SSH1: variants seen among roughly 807,000 people sequenced by gnomAD.
SSH1 encodes protein phosphatase Slingshot homolog 1.
Under a neutral mutation model 79.7 loss-of-function variants are expected in SSH1, and 43 were observed. The ratio of observed to expected loss-of-function variants is 0.54; its 90% CI spans 0.42 to 0.70. The LOEUF is 0.70. Ranked by LOEUF, SSH1 falls within the 30% of genes least tolerant of loss-of-function variation. The pLI, the probability that SSH1 is intolerant of heterozygous loss-of-function variation, is 0.00. For missense variants in SSH1, 1,206 were observed against 1,358.8 expected (o/e 0.89, Z 1.77); for synonymous variants, 599 against 538.3 (o/e 1.11, Z -1.56).
chr12:108,835,648 A>C (rs2038585101), intron 2 of SSH1, among the ~76,000 whole-genome samples: 1 of 151,690 alleles, frequency 6.6e-6, no homozygotes, highest in South Asian at 2.1e-4. Context: ...TCAGACCTAA[A>C]AACCATTTGG....
chr12:108,784,644 G>A lies in SSH1; in HGVS notation c.*3344C>T, dbSNP rs1318967673. 1 of 152,172 alleles carries A rather than the reference G, an allele frequency of 6.6e-6. No individual in the cohort carries two copies. The highest frequency in any genetic ancestry group is 6.5e-5 in the Admixed American group (1 of 15,270). The allele number at this position is 152,172 out of a possible 1,614,324, so 9.4% of individuals were successfully genotyped here. A position where few individuals can be genotyped will look rare whatever the true frequency, so the allele number is the denominator to read the frequency against. On this transcript the variant is annotated 3_prime_UTR_variant, in exon 15 of 15. Coordinates refer to ENST00000326495, the MANE Select transcript of SSH1 (RefSeq NM_018984.4). Reference sequence around the variant, plus strand: ...CGGCATTGTCAATTACCATCCGAGAGCAGCCCCGGTTCTCCTCTTCCCGTG... The same window carrying A: ...CGGCATTGTCAATTACCATCCGAGAACAGCCCCGGTTCTCCTCTTCCCGTG...
At chr12:108,806,508 C>T in intron 8 of SSH1, 114 bp from the exon 9 acceptor site, 1 of 933,394 alleles carries the variant, frequency 1.1e-6, no homozygotes. Context: ...GCAAGGAGAG[C>T]ACGCTTCTTG....
At position 108,802,471 on chromosome 12, in the gene SSH1, T is replaced by G; in HGVS notation, c.955-103A>C. The G allele has an allele frequency of 2.9e-6, 3 of 1,033,544 alleles. No homozygotes were observed. In the South Asian group the frequency reaches 3.9e-5, roughly 13 times the overall value. The allele number at this position is 1,033,544 out of a possible 1,614,324, so 64.0% of individuals were successfully genotyped here. A position where few individuals can be genotyped will look rare whatever the true frequency, so the allele number is the denominator to read the frequency against. Reference sequence around the variant, plus strand: ...CTAGCTCTGGCGGTGAGGTCTTATTTCATGGCCCCATTGGCCTCAGAGAAC... The same window carrying G: ...CTAGCTCTGGCGGTGAGGTCTTATTGCATGGCCCCATTGGCCTCAGAGAAC... On this transcript the variant is annotated intron_variant, in intron 10 of 14. Coordinates refer to ENST00000326495, the MANE Select transcript of SSH1 (RefSeq NM_018984.4).
intron 2 of SSH1, among the ~76,000 whole-genome samples, chr12:108,830,282 T>G (rs2038441798): frequency 6.6e-6 from 1 of 152,120 alleles, no homozygotes; most frequent in Admixed American, 6.5e-5. Flanking sequence ...TGAAACCCAG[T>G]CTTTACTAAA....
At chr12:108,797,291 T>G (rs952653183) in intron 13 of SSH1, among the ~76,000 whole-genome samples, 9 of 143,186 alleles carry the variant, frequency 6.3e-5, no homozygotes, top group African/African-American at 2.0e-4. Context: ...CACGCTGGGC[T>G]TTTTTTTTTT....
At chr12:108,798,006 C>T (rs964611408) in intron 13 of SSH1, among the ~76,000 whole-genome samples, 2 of 152,214 alleles carry the variant, frequency 1.3e-5, no homozygotes, top group Non-Finnish European at 2.9e-5. Context: ...ATAACACACC[C>T]TCTGAGGCCT....
rs750367623 is a variant in SSH1 at position 108,792,842 on chromosome 12, A to T, written c.1350-13T>A. The T allele has an allele frequency of 6.2e-7, 1 of 1,612,420 alleles. No individual in the cohort carries two copies. Among genetic ancestry groups the T allele is most frequent in the Non-Finnish European group, 8.5e-7 (1 of 1,179,896 alleles). ...GTGCCGCTGTTTGCTGCGGGGAGAG[A>T]GGGTAGAGGAAGGTGAGGGGAGGAG... is the stretch of plus-strand genomic sequence containing the variant. On this transcript the variant is annotated splice_polypyrimidine_tract_variant and intron_variant, in intron 13 of 14. Transcript: ENST00000326495.
At chr12:108,798,927 G>C in intron 13 of SSH1, 73 bp downstream of exon 13, 2 of 1,558,088 alleles carry the variant, frequency 1.3e-6, no homozygotes, top group Non-Finnish European at 1.8e-6. Context: ...GCTGCCGACA[G>C]AGGCCTGGCT....
chr12:108,781,988 GC>G lies in SSH1; in HGVS notation c.*5999del, dbSNP rs2036150746. 2 of 151,920 alleles carry G rather than the reference GC, an allele frequency of 1.3e-5. No homozygotes were observed. The highest frequency in any genetic ancestry group is 1.3e-4 in the Admixed American group (2 of 15,230). The allele number at this position is 151,920 out of a possible 1,614,324, so 9.4% of individuals were successfully genotyped here. A position where few individuals can be genotyped will look rare whatever the true frequency, so the allele number is the denominator to read the frequency against. ...AAATTAGCGGGGCAAGGTGGTGCAC[GC>G]CTGTAGTCCCAGCTACTGGGGAGGC... On this transcript the variant is annotated 3_prime_UTR_variant, in exon 15 of 15. Coordinates refer to ENST00000326495, the MANE Select transcript of SSH1 (RefSeq NM_018984.4).
intron 13 of SSH1, among the ~76,000 whole-genome samples, chr12:108,794,860 G>T (rs77931084): frequency 0.017 from 2,585 of 152,136 alleles, 92 homozygotes; most frequent in African/African-American, 0.059. Flanking sequence ...CATAGATTGT[G>T]GGGGGTGGGT....
At chr12:108,819,701 C>T (rs1349078656) in intron 3 of SSH1, among the ~76,000 whole-genome samples, 5 of 152,142 alleles carry the variant, frequency 3.3e-5, no homozygotes, top group African/African-American at 1.2e-4. Context: ...TTCTGGTTCA[C>T]ATCTGTAGTC....
At chr12:108,835,456 C>A (rs1184758204) in intron 2 of SSH1, among the ~76,000 whole-genome samples, 5 of 152,064 alleles carry the variant, frequency 3.3e-5, no homozygotes, top group African/African-American at 1.2e-4. Flanking sequence ...ACAAAACAAA[C>A]AAACACTGAG....
At chr12:108,808,873 G>A (rs1419762630) in intron 7 of SSH1, among the ~76,000 whole-genome samples, 7 of 117,474 alleles carry the variant, frequency 6.0e-5, no homozygotes, top group Admixed American at 1.2e-4. Flanking sequence ...TCACTCCATC[G>A]CCCGGGCTGG....
intron 6 of SSH1, 116 bp downstream of exon 6, chr12:108,811,144 C>T: frequency 1.0e-6 from 1 of 965,376 alleles, no homozygotes; most frequent in Non-Finnish European, 1.7e-6. Flanking sequence ...CCCGCTGTGA[C>T]ACTCCCGCCA....
chr12:108,815,044 GAA>G (rs1429261386), intron 5 of SSH1, among the ~76,000 whole-genome samples: 2 of 152,234 alleles, frequency 1.3e-5, no homozygotes, highest in South Asian at 4.1e-4. Flanking sequence ...CCGGCACAGG[GAA>G]AGAGCTAGCA....
chr12:108,804,223 T>C (rs1345948689), intron 10 of SSH1, among the ~76,000 whole-genome samples: 2 of 152,224 alleles, frequency 1.3e-5, no homozygotes, highest in African/African-American at 4.8e-5. Context: ...GCCCAGTTTG[T>C]ATTTCATTTA....
chr12:108,815,797 C>CA (rs1250029009), intron 5 of SSH1, among the ~76,000 whole-genome samples: 1 of 152,228 alleles, frequency 6.6e-6, no homozygotes, highest in Non-Finnish European at 1.5e-5. Context: ...ACATGTGTCA[C>CA]AGGAAACTTT....
intron 2 of SSH1, among the ~76,000 whole-genome samples, chr12:108,835,660 G>A (rs11114066): frequency 0.34 from 51,214 of 151,424 alleles, 10,070 homozygotes; most frequent in East Asian, 0.56. Flanking sequence ...ACCATTTGGC[G>A]GGGAAGGGCA....
At chr12:108,809,318 G>A (rs544894109) in intron 7 of SSH1, among the ~76,000 whole-genome samples, 132 of 151,732 alleles carry the variant, frequency 8.7e-4, no homozygotes, top group African/African-American at 3.0e-3. Context: ...TTAGCCGGGT[G>A]TGGTGGCGCA....
Sources: gnomAD v4.1 joint callset for allele counts (sites outside exome capture counted in the v4.1 genomes callset) on GRCh38, gnomAD v4.1.1 for gene constraint, MANE v1.5 for transcripts, NCBI Gene and HGNC (gene_info 2026-07-23, HGNC 2026-07-21) for gene names.